VTA1: variants seen among roughly 807,000 people sequenced by gnomAD.
The protein encoded by VTA1 is vesicle trafficking 1, also known as vacuolar protein sorting-associated protein VTA1 homolog.
A neutral mutation model predicts 36.9 loss-of-function variants in VTA1; 24 were observed. That is an observed-to-expected ratio of 0.65 (90% CI 0.47 to 0.91). The LOEUF is 0.91. Ranked by LOEUF, VTA1 falls within the 40% of genes least tolerant of loss-of-function variation. The pLI is 0.00. For missense variants in VTA1, 393 were observed against 377.2 expected (o/e 1.04, Z -0.35); for synonymous variants, 142 against 130.2 (o/e 1.09, Z -0.62).
chr6:142,206,870 C>T (rs568769807), intron 7 of VTA1, among the ~76,000 whole-genome samples: 10 of 152,230 alleles, frequency 6.6e-5, no homozygotes, highest in South Asian at 2.1e-4. Context: ...ATGGTGCTGG[C>T]GTAACAGGAC....
At chr6:142,215,105 A>G (rs1385174418) in intron 7 of VTA1, among the ~76,000 whole-genome samples, 1 of 152,128 alleles carries the variant, frequency 6.6e-6, no homozygotes, top group East Asian at 1.9e-4. Flanking sequence ...TACATCTCTG[A>G]ATAGTATTAG....
rs1776161915 is a variant in VTA1 at position 142,224,199 on chromosome 6, GA to G, written c.*5557del. The G allele has an allele frequency of 6.6e-6, 1 of 152,236 alleles. No individual in the cohort carries two copies. The highest frequency in any genetic ancestry group is 2.4e-5 in the African/African-American group (1 of 41,456). 9.4% of individuals were successfully genotyped at this position (152,236 alleles called of 1,614,324 possible). A position where few individuals can be genotyped will look rare whatever the true frequency, so the allele number is the denominator to read the frequency against. On this transcript the variant is annotated 3_prime_UTR_variant, in exon 8 of 8. Coordinates refer to ENST00000367630, the MANE Select transcript of VTA1 (RefSeq NM_016485.5). ...GCTCATTCTGCACGTGTACAGAGAA[GA>G]GGCCATGTGAGGACACGCAGAGGCT...
At chr6:142,207,277 C>A (rs952705082) in intron 7 of VTA1, among the ~76,000 whole-genome samples, 1 of 152,130 alleles carries the variant, frequency 6.6e-6, no homozygotes, top group Non-Finnish European at 1.5e-5. Flanking sequence ...CCATCTTCCC[C>A]ACCTCCTTGG....
chr6:142,198,113 A>ATGTGTGTGTG lies in VTA1; in HGVS notation c.521-325_521-324insGTGTGTGTGT, dbSNP rs1414329840. Among the ~76,000 whole-genome samples the ATGTGTGTGTG allele has an allele frequency of 1.9e-3, 219 of 116,946 alleles. 2 individuals carry two copies. The highest frequency in any genetic ancestry group is 7.2e-3 in the African/African-American group (202 of 27,902). The allele number at this position is 116,946 out of a possible 152,430, so 76.7% of individuals were successfully genotyped here. The stretch of plus-strand genomic sequence containing the variant: ...CTCCGTCTCAAAAAAAAATATATAT[A>ATGTGTGTGTG]TATATATGTGTGTGTGTGTGTGTGT... On this transcript the variant is annotated intron_variant, in intron 5 of 7. Coordinates refer to ENST00000367630, the MANE Select transcript of VTA1 (RefSeq NM_016485.5).
intron 6 of VTA1, among the ~76,000 whole-genome samples, chr6:142,203,685 T>C (rs950011683): frequency 5.9e-5 from 9 of 152,154 alleles, no homozygotes; most frequent in African/African-American, 2.2e-4. Flanking sequence ...CCAAATTATT[T>C]AATTGGCTGA....
At chr6:142,177,956 G>A (rs1775157008) in intron 4 of VTA1, among the ~76,000 whole-genome samples, 1 of 152,036 alleles carries the variant, frequency 6.6e-6, no homozygotes, top group South Asian at 2.1e-4. Context: ...ACTGTATTTG[G>A]GAGTCTAACA....
At chr6:142,181,094 A>AAAAAAATATATATATATATAT (rs1471429927) in intron 4 of VTA1, among the ~76,000 whole-genome samples, 6 of 36,420 alleles carry the variant, frequency 1.6e-4, no homozygotes, top group Non-Finnish European at 3.5e-4. Flanking sequence ...AAAAAAAAAA[A>AAAAAAATATATATATATATAT]ATATATATAT....
intron 4 of VTA1, 31 bp from the exon 5 acceptor site, chr6:142,189,395 C>A (rs776357213): frequency 1.3e-6 from 2 of 1,524,464 alleles, no homozygotes; most frequent in Admixed American, 1.7e-5. Context: ...TTACCATAGT[C>A]CAATGTTGAT....
intron 4 of VTA1, 80 bp downstream of exon 4, chr6:142,170,501 A>G (rs1231481808): frequency 1.1e-6 from 1 of 941,636 alleles, no homozygotes; most frequent in Non-Finnish European, 1.5e-6. Context: ...TGCATTGTTT[A>G]TTTACAGCAG....
Position 142,219,976 on chromosome 6 carries a change from G to A in VTA1, c.*1333G>A, listed in dbSNP as rs562252221. ...TTACTATTTGGCCCTCTAAGAAAAA[G>A]TTAAGACACCTAGTCTAATGGCCTT... On this transcript the variant is annotated 3_prime_UTR_variant, in exon 8 of 8. Transcript: ENST00000367630. The A allele has an allele frequency of 6.6e-6, 1 of 152,138 alleles. No homozygotes were observed. The highest frequency in any genetic ancestry group is 1.5e-5 in the Non-Finnish European group (1 of 68,012). The allele number at this position is 152,138 out of a possible 1,614,324, so 9.4% of individuals were successfully genotyped here.
chr6:142,218,231 A>G (rs1473220850), intron 7 of VTA1, among the ~76,000 whole-genome samples: 1 of 152,152 alleles, frequency 6.6e-6, no homozygotes. Flanking sequence ...CAAAGCTGCT[A>G]TCCTTGTTTG....
intron 1 of VTA1, among the ~76,000 whole-genome samples, chr6:142,156,360 G>GA (rs1476477977): frequency 2.0e-5 from 3 of 152,202 alleles, no homozygotes; most frequent in South Asian, 2.1e-4. Flanking sequence ...AAAAGCCAGT[G>GA]AAAAAATCTC....
At chr6:142,194,515 C>G (rs1299364136) in intron 5 of VTA1, among the ~76,000 whole-genome samples, 3 of 152,024 alleles carry the variant, frequency 2.0e-5, no homozygotes, top group South Asian at 2.1e-4. Flanking sequence ...TCCTTTCATT[C>G]TCTTGTAAAT....
chr6:142,196,440 G>A (rs1477506407), intron 5 of VTA1, among the ~76,000 whole-genome samples: 1 of 152,114 alleles, frequency 6.6e-6, no homozygotes, highest in Non-Finnish European at 1.5e-5. Context: ...AAAGCATATA[G>A]GCACTTTTTT....
chr6:142,202,335 T>C (rs976343929), intron 6 of VTA1, among the ~76,000 whole-genome samples: 12 of 151,962 alleles, frequency 7.9e-5, no homozygotes, highest in African/African-American at 2.9e-4. Context: ...TATACTTTTA[T>C]ACAGTTTTCT....
chr6:142,209,462 AT>A (rs1451016310), intron 7 of VTA1, among the ~76,000 whole-genome samples: 1 of 151,456 alleles, frequency 6.6e-6, no homozygotes, highest in African/African-American at 2.4e-5. Flanking sequence ...ATACAAAAAA[AT>A]ATAAAATACC....
intron 1 of VTA1, among the ~76,000 whole-genome samples, chr6:142,150,854 G>A (rs1222203239): frequency 2.0e-5 from 3 of 151,226 alleles, no homozygotes; most frequent in African/African-American, 7.3e-5. Flanking sequence ...AGAAGTCGCA[G>A]TAAGCTGAGA....
Position 142,200,437 on chromosome 6 carries a change from G to A in VTA1, c.697+1822G>A, listed in dbSNP as rs1473586386. Among the ~76,000 whole-genome samples, 5 of 151,906 alleles carry A rather than the reference G, an allele frequency of 3.3e-5. No individual in the cohort carries two copies. The South Asian group carries it at 8.3e-4, about 25-fold the overall frequency. ...AGGATATTAACCTTATAGAAAGACT[G>A]TCCAAGGAGTTTTGTTTTAGACAGT... On this transcript the variant is annotated intron_variant, in intron 6 of 7. Coordinates refer to ENST00000367630, the MANE Select transcript of VTA1 (RefSeq NM_016485.5).
At position 142,222,545 on chromosome 6, in the gene VTA1, A is replaced by G. The variant is rs1027110794; in HGVS notation, c.*3902A>G. The stretch of plus-strand genomic sequence containing the variant: ...GTAATTCTAGAAATTTGAGAATTCT[A>G]TGTATGCATTGAAAGATTATATACT... On this transcript the variant is annotated 3_prime_UTR_variant, in exon 8 of 8. Transcript: ENST00000367630. 2 of 133,722 alleles carry G rather than the reference A, an allele frequency of 1.5e-5. No individual in the cohort carries two copies. The highest frequency in any genetic ancestry group is 2.7e-5 in the African/African-American group (1 of 37,624). 8.3% of individuals were successfully genotyped at this position (133,722 alleles called of 1,614,324 possible).
Sources: allele counts gnomAD v4.1 joint callset (sites outside exome capture counted in the v4.1 genomes callset), GRCh38; gene constraint gnomAD v4.1.1; transcripts MANE v1.5; gene names NCBI Gene and HGNC (gene_info 2026-07-23, HGNC 2026-07-21).